The following LHPP variants were observed in gnomAD, a reference collection of about 807,000 sequenced individuals.
The protein encoded by LHPP is phospholysine phosphohistidine inorganic pyrophosphate phosphatase, also known as hLHPP.
In LHPP, 24 loss-of-function variants were observed where a neutral mutation model predicts 30.3. The ratio of observed to expected loss-of-function variants is 0.79; its 90% CI spans 0.57 to 1.11. The LOEUF (loss-of-function observed/expected upper bound fraction) is 1.11. Among genes scored for constraint, LHPP ranks in the 50% most tolerant of loss-of-function variants. LHPP has a pLI of 0.00. For missense variants in LHPP, 356 were observed against 367.2 expected (o/e 0.97, Z 0.25); for synonymous variants, 150 against 157.1 (o/e 0.95, Z 0.34).
chr10:124,485,727 A>G (rs539656311), intron 2 of LHPP, among the ~76,000 whole-genome samples: 15 of 152,002 alleles, frequency 9.9e-5, no homozygotes, highest in African/African-American at 3.4e-4. Flanking sequence ...CAGCCCCCCA[A>G]GTAGCTGGGG....
At chr10:124,483,075 T>A (rs11245136) in intron 1 of LHPP, among the ~76,000 whole-genome samples, 20,237 of 152,212 alleles carry the variant, frequency 0.13, 1,737 homozygotes, top group Non-Finnish European at 0.18. Context: ...GCAGCCTGGA[T>A]TCGCGGGTCT....
chr10:124,549,527 G>C (rs868177708), intron 6 of LHPP, among the ~76,000 whole-genome samples: 12 of 152,088 alleles, frequency 7.9e-5, no homozygotes, highest in African/African-American at 2.7e-4. Context: ...TCTGAGCCCT[G>C]GTTCTGAAAA....
At chr10:124,531,850 G>C (rs1354872267) in intron 6 of LHPP, among the ~76,000 whole-genome samples, 2 of 152,204 alleles carry the variant, frequency 1.3e-5, no homozygotes, top group African/African-American at 4.8e-5. Context: ...TCATCTGCCA[G>C]TTTTAGTGTC....
chr10:124,572,647 T>TAAGAAAGTA (rs1554894124), intron 6 of LHPP, among the ~76,000 whole-genome samples: 1 of 146,214 alleles, frequency 6.8e-6, no homozygotes, highest in East Asian at 2.0e-4. Flanking sequence ...AGAAAGAAAG[T>TAAGAAAGTA]AAGAAAGGAA....
At chr10:124,612,279 G>T (rs932221719) in intron 6 of LHPP, among the ~76,000 whole-genome samples, 5 of 152,268 alleles carry the variant, frequency 3.3e-5, no homozygotes, top group African/African-American at 1.2e-4. Context: ...GGTGGCGGGT[G>T]CCTGTAGTCC....
chr10:124,463,674 T>C (rs955884473), intron 1 of LHPP, among the ~76,000 whole-genome samples: 24 of 103,832 alleles, frequency 2.3e-4, no homozygotes, highest in Non-Finnish European at 4.3e-4. Flanking sequence ...ACACTTTTCT[T>C]TGTATAATTT....
rs147262837 is a variant in LHPP at position 124,517,507 on chromosome 10, C to T, written c.716+236C>T. On this transcript the variant is annotated intron_variant, in intron 6 of 6. Coordinates refer to ENST00000368842, the MANE Select transcript of LHPP (RefSeq NM_022126.4). This position sits in a 1 kb window ranked among gnomAD's most constrained non-coding sequence, Gnocchi z 4.1. ...AGGGTCTGGGTTTTGGAATGGCGTG[C>T]AGTGCAGAGAGAAATAAGCAAAGGC... is the stretch of plus-strand genomic sequence containing the variant. The T allele has an allele frequency of 1.4e-3, 462 of 319,880 alleles. 2 individuals are homozygous for T. The highest frequency in any genetic ancestry group is 9.7e-3 in the African/African-American group (446 of 46,134). 19.8% of individuals were successfully genotyped at this position (319,880 alleles called of 1,614,324 possible).
Position 124,497,027 on chromosome 10 carries a change from A to G in LHPP, c.531+3A>G, listed in dbSNP as rs1313606959. 6.2e-7 allele frequency: 1 copy of G among 1,613,344 alleles called. No homozygotes were observed. The highest frequency in any genetic ancestry group is 1.7e-5 in the Admixed American group (1 of 59,996). ...GTCCCTACATGAAGGCGCTTGAGGT[A>G]CCAGCCCTGGTTCTGTCCCAAACTC... is the stretch of plus-strand genomic sequence containing the variant. On this transcript the variant is annotated splice_donor_region_variant and intron_variant, in intron 4 of 6. Transcript: ENST00000368842.
At chr10:124,562,681 C>T (rs1228994884) in intron 6 of LHPP, among the ~76,000 whole-genome samples, 1 of 152,164 alleles carries the variant, frequency 6.6e-6, no homozygotes, top group African/African-American at 2.4e-5. Flanking sequence ...GCTGTAATCC[C>T]AGCATTTTGG....
At chr10:124,609,865 C>G (rs527341994) in intron 6 of LHPP, among the ~76,000 whole-genome samples, 1 of 152,362 alleles carries the variant, frequency 6.6e-6, no homozygotes, top group African/African-American at 2.4e-5. Flanking sequence ...GTGTGCAATT[C>G]TGCCGTGGTC....
At chr10:124,545,276 G>A (rs1242149847) in intron 6 of LHPP, among the ~76,000 whole-genome samples, 2 of 152,232 alleles carry the variant, frequency 1.3e-5, no homozygotes, top group Non-Finnish European at 2.9e-5. Context: ...GAAAGTGGGG[G>A]TGTAGTATTG....
intron 6 of LHPP, among the ~76,000 whole-genome samples, chr10:124,607,157 C>T (rs961986757): frequency 2.0e-5 from 3 of 152,218 alleles, no homozygotes; most frequent in Non-Finnish European, 4.4e-5. Context: ...GTACCCACTG[C>T]CGAGGACACA....
intron 1 of LHPP, among the ~76,000 whole-genome samples, chr10:124,482,107 T>C (rs991000011): frequency 1.1e-4 from 17 of 152,188 alleles, no homozygotes; most frequent in African/African-American, 3.9e-4. Context: ...CTGGGTTCAG[T>C]TTGAGTTGAG....
In LHPP at chr10:124,517,388, G is replaced by A. The variant is rs1195898453; in HGVS notation, c.716+117G>A. On this transcript the variant is annotated intron_variant, in intron 6 of 6. Transcript: ENST00000368842. This position sits in a 1 kb window ranked among gnomAD's most constrained non-coding sequence, Gnocchi z 4.1. ...CTTTCCAAATCAAAGAGCAGTATGT[G>A]GGCATTCACTATCTTGTATGTAATG... 1 of 648,952 alleles carries A rather than the reference G, an allele frequency of 1.5e-6. No individual in the cohort carries two copies. The highest frequency in any genetic ancestry group is 3.0e-5 in the East Asian group (1 of 32,896). 40.2% of individuals were successfully genotyped at this position (648,952 alleles called of 1,614,324 possible). A position where few individuals can be genotyped will look rare whatever the true frequency, so the allele number is the denominator to read the frequency against.
At chr10:124,597,708 C>T (rs1375584558) in intron 6 of LHPP, among the ~76,000 whole-genome samples, 1 of 152,148 alleles carries the variant, frequency 6.6e-6, no homozygotes, top group African/African-American at 2.4e-5. Context: ...TCTGGGGCAG[C>T]CCAGAGTGAG....
intron 6 of LHPP, among the ~76,000 whole-genome samples, chr10:124,521,592 G>A (rs1422610595): frequency 6.6e-6 from 1 of 152,104 alleles, no homozygotes; most frequent in African/African-American, 2.4e-5. Context: ...AGAATGAAGG[G>A]GGAGGAGGGG....
Position 124,593,365 on chromosome 10 carries a change from G to C in LHPP, c.717-19899G>C, listed in dbSNP as rs1051721960. On this transcript the variant is annotated intron_variant, in intron 6 of 6. Transcript: ENST00000368842. This position sits in a 1 kb window ranked among gnomAD's most constrained non-coding sequence, Gnocchi z 4.9. ...TAGGTACAGCCTCCCTGGCCGCCTC[G>C]GATGAGCATCTGCCCCTCCCGGGCC... Among the ~76,000 whole-genome samples, 1 of 152,146 alleles carries C rather than the reference G, an allele frequency of 6.6e-6. No homozygotes were observed. Among genetic ancestry groups the C allele is most frequent in the Admixed American group, 6.5e-5 (1 of 15,268 alleles).
At chr10:124,484,010 CAG>C in intron 1 of LHPP, 127 bp from the exon 2 acceptor site, 1 of 797,296 alleles carries the variant, frequency 1.3e-6, no homozygotes, top group East Asian at 2.7e-5. Flanking sequence ...AGGACCCCCT[CAG>C]GGGCTCGCAG....
chr10:124,613,611 T>C lies in LHPP; in HGVS notation c.*251T>C. 1.8e-6 allele frequency: 1 copy of C among 560,122 alleles called. No homozygotes were observed. Among genetic ancestry groups the C allele is most frequent in the Non-Finnish European group, 3.2e-6 (1 of 310,530 alleles). 34.7% of individuals were successfully genotyped at this position (560,122 alleles called of 1,614,324 possible). ...TACCTGGGTGGCCTGCTCCCCTGCC[T>C]GGGCCCTGACTTCAGCTCCCTGTAG... On this transcript the variant is annotated 3_prime_UTR_variant, in exon 7 of 7. Coordinates refer to ENST00000368842, the MANE Select transcript of LHPP (RefSeq NM_022126.4).
Sources: gnomAD v4.1 joint callset for allele counts (sites outside exome capture counted in the v4.1 genomes callset) on GRCh38, gnomAD v4.1.1 for gene constraint, Gnocchi (gnomAD v3.1) non-coding constraint, MANE v1.5 for transcripts, NCBI Gene and HGNC (gene_info 2026-07-23, HGNC 2026-07-21) for gene names.